The following DMD variants were observed in gnomAD, a reference collection of about 807,000 sequenced individuals.
The protein encoded by DMD is mutant dystrophin.
Under a neutral mutation model 330.1 loss-of-function variants are expected in DMD, and 63 were observed. The ratio of observed to expected loss-of-function variants is 0.19; its 90% CI spans 0.16 to 0.24. The LOEUF is 0.24. Ranked by LOEUF, DMD falls within the 10% of genes least tolerant of loss-of-function variation. DMD has a pLI of 1.00. For missense variants in DMD, 3,344 were observed against 2,684.1 expected (o/e 1.25, Z -5.43); for synonymous variants, 1,223 against 959.8 (o/e 1.27, Z -5.07).
intron 64 of DMD, among the ~76,000 whole-genome samples, chrX:31,214,917 T>G (rs2045179299): frequency 2.2e-5 from 2 of 92,154 alleles, no homozygotes; most frequent in East Asian, 7.0e-4. Context: ...CCACCAAAGA[T>G]ACTTTTTTAT....
chrX:32,633,903 G>T (rs979982713), intron 11 of DMD, among the ~76,000 whole-genome samples: 1 of 111,197 alleles, frequency 9.0e-6, no homozygotes, highest in Non-Finnish European at 1.9e-5. Flanking sequence ...TGAAAAATTT[G>T]CCCCCATGAT....
chrX:32,853,769 G>GAAGAAA (rs1557087979), intron 2 of DMD, among the ~76,000 whole-genome samples: 10 of 56,092 alleles, frequency 1.8e-4, no homozygotes, highest in African/African-American at 6.9e-4. Context: ...CACAGTGACA[G>GAAGAAA]AAAAAAAAAA....
At chrX:31,296,605 G>A (rs1241593806) in intron 62 of DMD, among the ~76,000 whole-genome samples, 1 of 111,895 alleles carries the variant, frequency 8.9e-6, no homozygotes, top group African/African-American at 3.2e-5. Context: ...CCTAAAGGCA[G>A]ATGAGTGGGC....
At chrX:32,290,437 G>A (rs1168450202) in intron 42 of DMD, among the ~76,000 whole-genome samples, 1 of 112,293 alleles carries the variant, frequency 8.9e-6, no homozygotes, top group Non-Finnish European at 1.9e-5. Flanking sequence ...ATGATAGATG[G>A]CAAAAGCTTT....
chrX:31,287,351 TC>T (rs1261102432), intron 62 of DMD, among the ~76,000 whole-genome samples: 3 of 112,228 alleles, frequency 2.7e-5, no homozygotes, highest in Non-Finnish European at 1.9e-5. Flanking sequence ...AAACAGAGAA[TC>T]CTTCTACTCC....
chrX:31,626,763 T>C (rs947005329), intron 55 of DMD, among the ~76,000 whole-genome samples: 10 of 112,375 alleles, frequency 8.9e-5, no homozygotes, highest in Non-Finnish European at 1.9e-5. Flanking sequence ...AACTAGAATA[T>C]ACTTTTCATA....
chrX:33,166,318 T>C (rs1034381228), intron 1 of DMD, among the ~76,000 whole-genome samples: 2 of 110,640 alleles, frequency 1.8e-5, no homozygotes, highest in East Asian at 5.7e-4. Flanking sequence ...ATAAGATATA[T>C]GAGAAGATGT....
At chrX:32,000,736 C>A (rs1409291973) in intron 44 of DMD, among the ~76,000 whole-genome samples, 1 of 111,493 alleles carries the variant, frequency 9.0e-6, no homozygotes, top group Non-Finnish European at 1.9e-5. Context: ...TAGTCATTAG[C>A]CACATGTGGC....
intron 62 of DMD, among the ~76,000 whole-genome samples, chrX:31,267,111 G>T (rs1029591107): frequency 9.1e-6 from 1 of 109,402 alleles, no homozygotes; most frequent in African/African-American, 3.3e-5. Flanking sequence ...AAAAGAGAAA[G>T]AAAGAAAGAA....
At chrX:32,110,357 A>G (rs934806072) in intron 44 of DMD, among the ~76,000 whole-genome samples, 1 of 112,058 alleles carries the variant, frequency 8.9e-6, no homozygotes, top group Admixed American at 9.5e-5. Context: ...CCTGGAATCA[A>G]CTAGTTTCCA....
At chrX:31,277,638 C>T (rs773636769) in intron 62 of DMD, among the ~76,000 whole-genome samples, 12 of 110,944 alleles carry the variant, frequency 1.1e-4, no homozygotes, top group Non-Finnish European at 1.7e-4. Flanking sequence ...AACATGATGC[C>T]GAGGTACACC....
intron 2 of DMD, among the ~76,000 whole-genome samples, chrX:32,994,346 A>G (rs867086382): frequency 9.7e-6 from 1 of 102,764 alleles, no homozygotes; most frequent in Non-Finnish European, 1.9e-5. Context: ...AAAAAAAAAA[A>G]AAATAGATTG....
At chrX:31,503,406 C>T (rs1255528231) in intron 56 of DMD, among the ~76,000 whole-genome samples, 2 of 112,080 alleles carry the variant, frequency 1.8e-5, no homozygotes, top group Non-Finnish European at 3.8e-5. Flanking sequence ...AGATTATATG[C>T]TAAGACAGTT....
intron 43 of DMD, among the ~76,000 whole-genome samples, chrX:32,261,814 A>T (rs988265272): frequency 9.0e-6 from 1 of 111,407 alleles, no homozygotes; most frequent in Non-Finnish European, 1.9e-5. Flanking sequence ...CATGTTTGTG[A>T]TTTTTCTGGG....
rs371769825 is a variant in DMD, at chrX:32,362,000, A to G, written c.5325+788T>C. ...AATCTTCCCAAAGAGCTGAAATTCT[A>G]TAACACTATATTTATACATTTTTGC... On this transcript the variant is annotated intron_variant, in intron 37 of 78. Coordinates refer to ENST00000357033, the MANE Select transcript of DMD (RefSeq NM_004006.3). Among the ~76,000 whole-genome samples, 102 of 111,894 alleles carry G rather than the reference A, an allele frequency of 9.1e-4. 1 individual carries two copies. In the South Asian group the frequency reaches 0.026, roughly 28 times the overall value.
At chrX:33,102,229 C>T (rs1024151134) in intron 1 of DMD, among the ~76,000 whole-genome samples, 1 of 109,895 alleles carries the variant, frequency 9.1e-6, no homozygotes, top group African/African-American at 3.3e-5. Context: ...AAAATTTATT[C>T]ATTAAAAGAA....
intron 2 of DMD, among the ~76,000 whole-genome samples, chrX:32,914,704 T>C (rs963731995): frequency 2.7e-5 from 3 of 112,633 alleles, no homozygotes. Flanking sequence ...GATTACATAG[T>C]AGTCAAAGAA....
At chrX:31,222,549 T>C (rs1212428507) in intron 64 of DMD, among the ~76,000 whole-genome samples, 3 of 111,345 alleles carry the variant, frequency 2.7e-5, no homozygotes, top group Non-Finnish European at 3.8e-5. Flanking sequence ...TTCAGGATTT[T>C]TCCACAGATG....
chrX:32,229,965 T>C (rs1246511210), intron 43 of DMD, among the ~76,000 whole-genome samples: 1 of 108,199 alleles, frequency 9.2e-6, no homozygotes, highest in Non-Finnish European at 1.9e-5. Flanking sequence ...AACTGAAACT[T>C]TGTAGTCTTT....
Sources: allele counts gnomAD v4.1 joint callset (sites outside exome capture counted in the v4.1 genomes callset), GRCh38; gene constraint gnomAD v4.1.1; transcripts MANE v1.5; gene names NCBI Gene and HGNC (gene_info 2026-07-23, HGNC 2026-07-21).